The following RAP1B variants were observed in gnomAD, a reference collection of about 807,000 sequenced individuals.
RAP1B encodes the protein RAP1B, member of RAS oncogene family.
A neutral mutation model predicts 27.5 loss-of-function variants in RAP1B; 1 was observed. The observed-to-expected ratio is 0.04, with a 90% CI of 0.01 to 0.17. The LOEUF is 0.17. Ranked by LOEUF, RAP1B falls within the 10% of genes least tolerant of loss-of-function variation. The pLI, the probability that RAP1B is intolerant of heterozygous loss-of-function variation, is 1.00. For missense variants in RAP1B, 84 were observed against 214.8 expected (o/e 0.39, Z 3.81); for synonymous variants, 75 against 73.1 (o/e 1.03, Z -0.13).
intron 1 of RAP1B, among the ~76,000 whole-genome samples, chr12:68,613,389 T>TA (rs34380580): frequency 0.35 from 42,587 of 123,202 alleles, 7,804 homozygotes; most frequent in South Asian, 0.54. Flanking sequence ...AGACCTGTCT[T>TA]AAAAAAAAAA....
rs899826908 is a variant in RAP1B, at chr12:68,663,716, C to A, written c.*4467C>A. On this transcript the variant is annotated 3_prime_UTR_variant, in exon 8 of 8. Coordinates refer to ENST00000250559, the MANE Select transcript of RAP1B (RefSeq NM_001010942.3). ...GACCTTAGGAATTACAGGCTTTATCCAAAATTAGGCATATCTACCTGATTT... is the reference window on the plus strand; with the variant it reads ...GACCTTAGGAATTACAGGCTTTATCAAAAATTAGGCATATCTACCTGATTT... 2 of 152,076 alleles carry A rather than the reference C, an allele frequency of 1.3e-5. No individual in the cohort carries two copies. Among genetic ancestry groups the A allele is most frequent in the Non-Finnish European group, 2.9e-5 (2 of 68,010 alleles). The allele number at this position is 152,076 out of a possible 1,614,324, so 9.4% of individuals were successfully genotyped here.
chr12:68,627,621 T>G (rs1245757824), intron 1 of RAP1B, among the ~76,000 whole-genome samples: 2 of 152,150 alleles, frequency 1.3e-5, no homozygotes, highest in African/African-American at 2.4e-5. Context: ...GCTCCTTACT[T>G]CACGTCATGC....
rs1478024369 is a variant in RAP1B, at chr12:68,666,166, A to G, written c.*6917A>G. 2 of 152,184 alleles carry G rather than the reference A, an allele frequency of 1.3e-5. No individual in the cohort carries two copies. The highest frequency in any genetic ancestry group is 2.4e-5 in the African/African-American group (1 of 41,448). 9.4% of individuals were successfully genotyped at this position (152,184 alleles called of 1,614,324 possible). Reference sequence around the variant, plus strand: ...GCGCCCGGCAAGTTGTCTTTCAAATATATGCCTTTGCAGTATTTCTCTACT... The same window carrying G: ...GCGCCCGGCAAGTTGTCTTTCAAATGTATGCCTTTGCAGTATTTCTCTACT... On this transcript the variant is annotated 3_prime_UTR_variant, in exon 8 of 8. Transcript: ENST00000250559.
At chr12:68,654,045 T>G in intron 4 of RAP1B, 67 bp from the exon 5 acceptor site, 1 of 1,342,064 alleles carries the variant, frequency 7.5e-7, no homozygotes, top group East Asian at 2.3e-5. Flanking sequence ...AATTATAGAC[T>G]GTGAAAATTG....
intron 1 of RAP1B, among the ~76,000 whole-genome samples, chr12:68,643,667 TTA>T (rs1271304867): frequency 6.6e-6 from 1 of 152,170 alleles, no homozygotes; most frequent in African/African-American, 2.4e-5. Flanking sequence ...CATCAATATT[TTA>T]TAGTTACTCT....
chr12:68,634,311 C>T (rs1872480100), intron 1 of RAP1B, among the ~76,000 whole-genome samples: 1 of 152,102 alleles, frequency 6.6e-6, no homozygotes, highest in Non-Finnish European at 1.5e-5. Flanking sequence ...CTTTTATTTC[C>T]ATTTTCAAAT....
At chr12:68,648,125 T>A (rs1022169269) in intron 1 of RAP1B, 5 of 152,530 alleles carry the variant, frequency 3.3e-5, no homozygotes, top group African/African-American at 1.2e-4. Flanking sequence ...GGATATATTT[T>A]GTTTTTATTT....
At chr12:68,626,707 C>T (rs959383013) in intron 1 of RAP1B, among the ~76,000 whole-genome samples, 5 of 151,622 alleles carry the variant, frequency 3.3e-5, no homozygotes, top group Non-Finnish European at 7.4e-5. Flanking sequence ...TAGACAGCCC[C>T]TAATATTTCT....
intron 1 of RAP1B, among the ~76,000 whole-genome samples, chr12:68,616,746 T>C (rs1286248084): frequency 1.3e-5 from 2 of 151,888 alleles, no homozygotes; most frequent in Admixed American, 6.6e-5. Flanking sequence ...GTTTTGTATT[T>C]TTTGTAGAGA....
chr12:68,642,943 T>G, intron 1 of RAP1B: 1 of 857,474 alleles, frequency 1.2e-6, no homozygotes, highest in Non-Finnish European at 2.0e-6. Context: ...GTATGATCTC[T>G]GCAAAAGCTA....
chr12:68,639,493 T>C (rs1365060485), intron 1 of RAP1B, among the ~76,000 whole-genome samples: 1 of 152,206 alleles, frequency 6.6e-6, no homozygotes, highest in Non-Finnish European at 1.5e-5. Context: ...TAACTTGTCA[T>C]GAAGGAGAAT....
intron 1 of RAP1B, among the ~76,000 whole-genome samples, chr12:68,613,779 A>C (rs1227739528): frequency 6.6e-6 from 1 of 152,246 alleles, no homozygotes; most frequent in African/African-American, 2.4e-5. Flanking sequence ...AATGGTAATG[A>C]ACATTCAAAG....
chr12:68,637,875 C>T (rs1275631807), intron 1 of RAP1B, among the ~76,000 whole-genome samples: 3 of 152,132 alleles, frequency 2.0e-5, no homozygotes, highest in East Asian at 1.9e-4. Flanking sequence ...TATTTGGTTT[C>T]ATCTTCTTAA....
At position 68,647,313 on chromosome 12, in the gene RAP1B, T is replaced by A. The variant is rs530223856; in HGVS notation, c.-26-1386T>A. On this transcript the variant is annotated intron_variant, in intron 1 of 7. Transcript: ENST00000250559. ...ACTTTGGGAGGCCGAGGCAGGTGGA[T>A]CATGAGGTCAAGAGATCGAGACCAT... Among the ~76,000 whole-genome samples the A allele has an allele frequency of 1.3e-4, 18 of 138,008 alleles. No individual in the cohort carries two copies. The East Asian group carries it at 4.6e-3, about 35-fold the overall frequency. The allele number at this position is 138,008 out of a possible 152,430, so 90.5% of individuals were successfully genotyped here. A position where few individuals can be genotyped will look rare whatever the true frequency, so the allele number is the denominator to read the frequency against.
At chr12:68,658,961 C>G (rs956562407) in intron 7 of RAP1B, among the ~76,000 whole-genome samples, 1 of 152,204 alleles carries the variant, frequency 6.6e-6, no homozygotes, top group Non-Finnish European at 1.5e-5. Context: ...GTTGACTTGA[C>G]TAACAATTTT....
chr12:68,653,804 G>A (rs964683987), intron 4 of RAP1B, among the ~76,000 whole-genome samples: 2 of 151,752 alleles, frequency 1.3e-5, no homozygotes, highest in African/African-American at 2.4e-5. Flanking sequence ...GGTGGTGTGC[G>A]CCTGTTGTCC....
intron 4 of RAP1B, among the ~76,000 whole-genome samples, chr12:68,652,596 C>G (rs756220786): frequency 1.3e-5 from 2 of 152,032 alleles, no homozygotes; most frequent in Admixed American, 6.6e-5. Context: ...GGGTGGATCA[C>G]TTAAGGTGAG....
chr12:68,620,970 T>C (rs1333168405), intron 1 of RAP1B, among the ~76,000 whole-genome samples: 11 of 152,232 alleles, frequency 7.2e-5, no homozygotes, highest in Admixed American at 7.2e-4. Flanking sequence ...GAAAGATAGT[T>C]AAGTTACAGT....
In RAP1B at chr12:68,610,994, G is replaced by C; in HGVS notation, c.-76G>C. ...CGTGGCGCCTAGAGTAGCGACCCGG[G>C]GGGAGCGCGGGGCGACGCTGGCTGC... On this transcript the variant is annotated 5_prime_UTR_variant, in exon 1 of 8. Coordinates refer to ENST00000250559, the MANE Select transcript of RAP1B (RefSeq NM_001010942.3). 1.2e-5 allele frequency: 4 copies of C among 324,542 alleles called. No individual in the cohort carries two copies. The highest frequency in any genetic ancestry group is 4.4e-5 in the African/African-American group (2 of 45,642). 20.1% of individuals were successfully genotyped at this position (324,542 alleles called of 1,614,324 possible).
Sources: gnomAD v4.1 joint callset for allele counts (sites outside exome capture counted in the v4.1 genomes callset) on GRCh38, gnomAD v4.1.1 for gene constraint, MANE v1.5 for transcripts, NCBI Gene and HGNC (gene_info 2026-07-23, HGNC 2026-07-21) for gene names.